Variants in LEPR observed in about 807,000 individuals in gnomAD.
The protein encoded by LEPR is leptin receptor.
LEPR carries 56 observed loss-of-function variants against 114.7 expected under a neutral mutation model. The observed-to-expected ratio is 0.49, with a 90% CI of 0.39 to 0.61. The LOEUF is 0.61. Ranked by LOEUF, LEPR falls within the 20% of genes least tolerant of loss-of-function variation. The probability of loss-of-function intolerance (pLI) is 0.00; values close to 1 mark genes in which losing one functional copy is unlikely to be tolerated. For missense variants in LEPR, 1,202 were observed against 1,352.9 expected (o/e 0.89, Z 1.75); for synonymous variants, 443 against 461.4 (o/e 0.96, Z 0.51).
chr1:65,468,514 T>G (rs1019574144), intron 2 of LEPR, among the ~76,000 whole-genome samples: 1 of 152,174 alleles, frequency 6.6e-6, no homozygotes, highest in Admixed American at 6.5e-5. Context: ...GAGTAAGTAT[T>G]TTTGTTTTGT....
intron 2 of LEPR, among the ~76,000 whole-genome samples, chr1:65,467,406 C>T (rs1570506816): frequency 1.3e-5 from 2 of 152,112 alleles, no homozygotes; most frequent in African/African-American, 4.8e-5. Flanking sequence ...CCTCTGGAAG[C>T]TTTGTCCCAG....
chr1:65,583,967 C>T (rs2100860541), intron 5 of LEPR, among the ~76,000 whole-genome samples: 1 of 152,136 alleles, frequency 6.6e-6, no homozygotes, highest in African/African-American at 2.4e-5. Context: ...AACAAAAATG[C>T]TAAATATTAA....
At chr1:65,534,213 T>C (rs1331122993) in intron 2 of LEPR, among the ~76,000 whole-genome samples, 1 of 152,184 alleles carries the variant, frequency 6.6e-6, no homozygotes, top group Non-Finnish European at 1.5e-5. Flanking sequence ...GGTTGATTAT[T>C]TTTATCACTT....
At chr1:65,420,779 G>T (rs1470688374) in intron 1 of LEPR, 39 bp downstream of exon 1, 2 of 1,568,536 alleles carry the variant, frequency 1.3e-6, no homozygotes, top group Non-Finnish European at 8.6e-7. Context: ...GTGTGGTGGG[G>T]TTGCCACCTC....
intron 2 of LEPR, among the ~76,000 whole-genome samples, chr1:65,454,859 A>G (rs1411005606): frequency 6.6e-6 from 1 of 152,106 alleles, no homozygotes; most frequent in Non-Finnish European, 1.5e-5. Flanking sequence ...GTTCTCCTGG[A>G]TGATATCCTG....
In LEPR at chr1:65,592,807, C is replaced by A; in HGVS notation, c.645C>A (p.Ile215=). 1 of 1,613,302 alleles carries A rather than the reference C, an allele frequency of 6.2e-7. No individual in the cohort carries two copies. Among genetic ancestry groups the A allele is most frequent in the South Asian group, 1.1e-5 (1 of 91,060 alleles). ...ACACTCTCCTTATGTGTTTGAAAAT[C>A]ACATCTGGTGGAGTAATTTTCCAGT... ...LNDTLLMCLK[I]TSGGVIFQSP... Residue 215 remains isoleucine, a synonymous_variant, in exon 6 of 20, where the codon ATC becomes ATA. Transcript: ENST00000349533.
At chr1:65,428,955 A>G (rs879267391) in intron 2 of LEPR, among the ~76,000 whole-genome samples, 1 of 152,142 alleles carries the variant, frequency 6.6e-6, no homozygotes, top group Non-Finnish European at 1.5e-5. Flanking sequence ...GCTTTTCACT[A>G]GTGAGCATAT....
chr1:65,616,769 A>G (rs1432431296), intron 15 of LEPR, among the ~76,000 whole-genome samples: 1 of 152,150 alleles, frequency 6.6e-6, no homozygotes, highest in Non-Finnish European at 1.5e-5. Context: ...CGGAGAATTG[A>G]GACCCACTTT....
intron 5 of LEPR, among the ~76,000 whole-genome samples, chr1:65,574,732 C>T (rs1158164298): frequency 6.6e-6 from 1 of 152,080 alleles, no homozygotes. Context: ...TTCCAATTTA[C>T]CCTCCAGAAA....
At chr1:65,543,482 A>G (rs539066884) in intron 2 of LEPR, among the ~76,000 whole-genome samples, 10 of 151,916 alleles carry the variant, frequency 6.6e-5, no homozygotes, top group African/African-American at 2.4e-4. Context: ...ATTATATCCC[A>G]TTTGTCAATT....
chr1:65,629,269 G>A (rs1173629091), intron 19 of LEPR: 3 of 369,160 alleles, frequency 8.1e-6, no homozygotes, highest in African/African-American at 2.3e-5. Flanking sequence ...GCACTCTTAC[G>A]CTTCCCTCCA....
chr1:65,586,147 G>T (rs1419195801), intron 5 of LEPR, among the ~76,000 whole-genome samples: 1 of 152,002 alleles, frequency 6.6e-6, no homozygotes, highest in Non-Finnish European at 1.5e-5. Flanking sequence ...CACGTTGGGT[G>T]TAATGAAATG....
At chr1:65,480,896 A>G (rs1490586208) in intron 2 of LEPR, among the ~76,000 whole-genome samples, 4 of 152,210 alleles carry the variant, frequency 2.6e-5, no homozygotes, top group African/African-American at 9.7e-5. Context: ...AAAGAAAAAA[A>G]TGTTTTGAAC....
chr1:65,610,671 T>C (rs1456360445), intron 14 of LEPR, among the ~76,000 whole-genome samples: 2 of 152,170 alleles, frequency 1.3e-5, no homozygotes, highest in African/African-American at 4.8e-5. Context: ...AATGTCACCT[T>C]CCCCGCACAC....
At chr1:65,547,148 G>T (rs1449956240) in intron 2 of LEPR, among the ~76,000 whole-genome samples, 2 of 151,306 alleles carry the variant, frequency 1.3e-5, no homozygotes, top group Non-Finnish European at 3.0e-5. Flanking sequence ...TGCATCCCAG[G>T]GATGAAGCCC....
At chr1:65,564,091 G>A (rs1653501834) in intron 2 of LEPR, among the ~76,000 whole-genome samples, 1 of 145,616 alleles carries the variant, frequency 6.9e-6, no homozygotes, top group African/African-American at 2.5e-5. Flanking sequence ...CCCAGTTGGA[G>A]CTTCCCGCTG....
intron 5 of LEPR, among the ~76,000 whole-genome samples, chr1:65,573,598 T>C (rs1281102408): frequency 6.6e-6 from 1 of 152,234 alleles, no homozygotes; most frequent in Non-Finnish European, 1.5e-5. Context: ...CAATTTTAAC[T>C]CTTTAAAATT....
intron 1 of LEPR, among the ~76,000 whole-genome samples, chr1:65,421,959 A>G (rs1646259838): frequency 6.6e-6 from 1 of 152,212 alleles, no homozygotes; most frequent in African/African-American, 2.4e-5. Context: ...TATGCCAGAG[A>G]CTTAGGATAC....
At chr1:65,455,693 G>C (rs1332095964) in intron 2 of LEPR, among the ~76,000 whole-genome samples, 1 of 152,212 alleles carries the variant, frequency 6.6e-6, no homozygotes, top group Non-Finnish European at 1.5e-5. Flanking sequence ...AAAGCTGTCA[G>C]ACAGGGACAT....
Sources: allele counts gnomAD v4.1 joint callset (sites outside exome capture counted in the v4.1 genomes callset), GRCh38; gene constraint gnomAD v4.1.1; transcripts MANE v1.5; gene names NCBI Gene and HGNC (gene_info 2026-07-23, HGNC 2026-07-21).